Variants in PTDSS2 observed in about 807,000 individuals in gnomAD.
The protein encoded by PTDSS2 is phosphatidylserine synthase 2, also known as PSS-2.
In PTDSS2, 41 loss-of-function variants were observed where a neutral mutation model predicts 64.7. The ratio of observed to expected loss-of-function variants is 0.63; its 90% CI spans 0.49 to 0.82. PTDSS2 has a LOEUF of 0.82. Among genes scored for constraint, PTDSS2 ranks in the 40% least tolerant of loss-of-function variants. The probability of loss-of-function intolerance (pLI) is 0.00; values close to 1 mark genes in which losing one functional copy is unlikely to be tolerated. For synonymous variants in PTDSS2, 297 were observed against 277.8 expected (o/e 1.07, Z -0.69); for missense variants, 485 against 650.0 (o/e 0.75, Z 2.76).
At chr11:475,249 A>G (rs1173499926) in intron 3 of PTDSS2, among the ~76,000 whole-genome samples, 6 of 98,570 alleles carry the variant, frequency 6.1e-5, no homozygotes, top group East Asian at 2.5e-4. Context: ...GTTTGTGTGT[A>G]CGGACATATT....
Position 486,938 on chromosome 11 carries a change from G to C in PTDSS2, c.436-1G>C. 1 of 1,608,580 alleles carries C rather than the reference G, an allele frequency of 6.2e-7. No individual in the cohort carries two copies. Among genetic ancestry groups the C allele is most frequent in the Non-Finnish European group, 8.5e-7 (1 of 1,177,156 alleles). On this transcript the variant is annotated splice_acceptor_variant, in intron 4 of 11. Coordinates refer to ENST00000308020, the MANE Select transcript of PTDSS2 (RefSeq NM_030783.3). LOFTEE classifies it high-confidence loss of function. Reference sequence around the variant, plus strand: ...CGCTGACGGGGGCACTGGCCTTGCAGACTGTCCAGGACGGCCGGCAGTTTC... The same window carrying C: ...CGCTGACGGGGGCACTGGCCTTGCACACTGTCCAGGACGGCCGGCAGTTTC...
rs962843424 is a variant in PTDSS2, at chr11:476,942, C to T, written c.368-2143C>T. ...CGCGTCTTGTTAACTTGGGGGCCGG[C>T]AGGGAGCCCTCAACTCTCTGCAGTC... On this transcript the variant is annotated intron_variant, in intron 3 of 11. Coordinates refer to ENST00000308020, the MANE Select transcript of PTDSS2 (RefSeq NM_030783.3). This position sits in a 1 kb window ranked among gnomAD's most constrained non-coding sequence, Gnocchi z 4.9. 2.6e-5 allele frequency among the ~76,000 whole-genome samples: 4 copies of T among 152,134 alleles called. No individual in the cohort carries two copies. The highest frequency in any genetic ancestry group is 4.4e-5 in the Non-Finnish European group (3 of 68,024).
Position 490,474 on chromosome 11 carries a change from T to G in PTDSS2, c.1356T>G (p.Asp452Glu). The change falls in exon 12 of 12, where the codon GAT (aspartate) becomes GAG (glutamate). Residue 452 changes from aspartate to glutamate, a missense_variant. Physicochemically the swap from Asp to Glu is conservative, Grantham distance 45. Around this residue, in one of 3 missense-constraint regions of PTDSS2, gnomAD observed 219 missense variants for 257.3 expected, o/e 0.85. Coordinates refer to ENST00000308020, the MANE Select transcript of PTDSS2 (RefSeq NM_030783.3). ...GGTGGCAGAAGTGGCAGAACAAGGATGACCAGGGCAGCACCGTCGGCAACG... is the reference window on the plus strand; with the variant it reads ...GGTGGCAGAAGTGGCAGAACAAGGAGGACCAGGGCAGCACCGTCGGCAACG... ...ETRWQKWQNK[D>E]DQGSTVGNGD... 6.2e-7 allele frequency: 1 copy of G among 1,613,106 alleles called. No individual in the cohort carries two copies.
At chr11:490,134 C>CT in intron 11 of PTDSS2, 66 bp downstream of exon 11, 1 of 1,494,438 alleles carries the variant, frequency 6.7e-7, no homozygotes, top group South Asian at 1.2e-5. Context: ...GGCACAGGCA[C>CT]TGTGGGAGTT....
chr11:473,160 G>GC (rs879912266), intron 2 of PTDSS2, among the ~76,000 whole-genome samples: 12 of 152,370 alleles, frequency 7.9e-5, no homozygotes, highest in Non-Finnish European at 1.5e-4. Flanking sequence ...GCTGAGGCCG[G>GC]CCCCAAGGAG....
chr11:453,652 T>G (rs1564957591), intron 1 of PTDSS2, among the ~76,000 whole-genome samples: 1 of 152,220 alleles, frequency 6.6e-6, no homozygotes, highest in East Asian at 1.9e-4. Context: ...GATGAAGTCT[T>G]TCTGGTCTTG....
intron 3 of PTDSS2, among the ~76,000 whole-genome samples, chr11:475,393 GTTTGTGATACAGACATATTCACGCA>G (rs1847744356): frequency 6.9e-6 from 1 of 145,462 alleles, no homozygotes; most frequent in Non-Finnish European, 1.5e-5. Flanking sequence ...ATATTCACGC[GTTTGTGATACAGACATATTCACGCA>G]TTTGTGTGTA....
In PTDSS2 at chr11:479,246, G is replaced by C. The variant is rs2301170; in HGVS notation, c.435+94G>C. 1 of 1,039,330 alleles carries C rather than the reference G, an allele frequency of 9.6e-7. No individual in the cohort carries two copies. The highest frequency in any genetic ancestry group is 1.6e-5 in the African/African-American group (1 of 63,646). The allele number at this position is 1,039,330 out of a possible 1,614,324, so 64.4% of individuals were successfully genotyped here. On this transcript the variant is annotated intron_variant, in intron 4 of 11. Coordinates refer to ENST00000308020, the MANE Select transcript of PTDSS2 (RefSeq NM_030783.3). The surrounding 1 kb of genome is among the most constrained non-coding windows in gnomAD (Gnocchi z 4.2). ...AGGAGGCCTTGCCCACACAGCCCTC[G>C]AGTGATGGGAGGAAGCAGGGCTAGA...
In PTDSS2 at chr11:450,358, C is replaced by T. The variant is rs2133741558; in HGVS notation, c.-98C>T. On this transcript the variant is annotated 5_prime_UTR_variant, in exon 1 of 12. Coordinates refer to ENST00000308020, the MANE Select transcript of PTDSS2 (RefSeq NM_030783.3). The stretch of plus-strand genomic sequence containing the variant: ...CGCGGGCCAGCGCCGCGACCCCTTC[C>T]CAGCGCTCCTCGCGCTGTGTGCGGC... The T allele has an allele frequency of 9.0e-7, 1 of 1,106,774 alleles. No homozygotes were observed. The highest frequency in any genetic ancestry group is 1.1e-6 in the Non-Finnish European group (1 of 879,128). The allele number at this position is 1,106,774 out of a possible 1,614,324, so 68.6% of individuals were successfully genotyped here. A position where few individuals can be genotyped will look rare whatever the true frequency, so the allele number is the denominator to read the frequency against.
chr11:475,172 A>G (rs1186056752), intron 3 of PTDSS2, among the ~76,000 whole-genome samples: 699 of 117,278 alleles, frequency 6.0e-3, no homozygotes, highest in Middle Eastern at 0.015. Context: ...CGTTTGTGAT[A>G]CGGACATATT....
chr11:485,822 CGT>C (rs535174303), intron 4 of PTDSS2, among the ~76,000 whole-genome samples: 14 of 57,706 alleles, frequency 2.4e-4, no homozygotes, highest in South Asian at 7.6e-4. Context: ...CACGGGCGCG[CGT>C]GTGCTCACCG....
intron 7 of PTDSS2, 29 bp from the exon 8 acceptor site, chr11:488,500 C>T: frequency 1.3e-6 from 2 of 1,586,926 alleles, no homozygotes; most frequent in East Asian, 4.5e-5. Context: ...CCCCTCACCC[C>T]TGCAACGAGT....
intron 2 of PTDSS2, chr11:463,465 A>G (rs1273268619): frequency 7.2e-6 from 1 of 138,088 alleles, no homozygotes; most frequent in Admixed American, 7.7e-5. Flanking sequence ...TTTTTTGGTC[A>G]ATGTTGACCA....
At chr11:485,331 G>A (rs1848296974) in intron 4 of PTDSS2, among the ~76,000 whole-genome samples, 1 of 127,112 alleles carries the variant, frequency 7.9e-6, no homozygotes, top group African/African-American at 2.9e-5. Context: ...GTAAGTGCAC[G>A]AGCGCGTGTG....
chr11:487,070 C>G lies in PTDSS2; in HGVS notation c.567C>G (p.Ile189Met). The G allele has an allele frequency of 6.2e-7, 1 of 1,612,136 alleles. No individual in the cohort carries two copies. Among genetic ancestry groups the G allele is most frequent in the Non-Finnish European group, 8.5e-7 (1 of 1,179,314 alleles). The part of the protein sequence containing the change: ...PDNETDPFHN[I>M]WDKLDGFVPA... ...ATGAGACTGACCCCTTTCACAACATCTGGGTAAGACGCCGGGGGCCCTGAG... is the reference window on the plus strand; with the variant it reads ...ATGAGACTGACCCCTTTCACAACATGTGGGTAAGACGCCGGGGGCCCTGAG... Residue 189 changes from isoleucine to methionine, a missense_variant, in exon 5 of 12, where the codon ATC becomes ATG. By Grantham distance (10) the Ile-to-Met change is conservative. This residue lies in a region of PTDSS2 where 251 missense variants were observed against 348.0 expected (regional missense o/e 0.72). Transcript: ENST00000308020.
Position 460,339 on chromosome 11 carries a change from G to A in PTDSS2, c.284+51G>A. 6.7e-7 allele frequency: 1 copy of A among 1,498,572 alleles called. No homozygotes were observed. The highest frequency in any genetic ancestry group is 1.1e-5 in the South Asian group (1 of 88,026). 92.8% of individuals were successfully genotyped at this position (1,498,572 alleles called of 1,614,324 possible). ...CTGAAACTGCCCTGTGCCCCGTGTG[G>A]TGGGTGTGGCACCCTTACTGCTCGG... On this transcript the variant is annotated intron_variant, in intron 2 of 11. Transcript: ENST00000308020. This position sits in a 1 kb window ranked among gnomAD's most constrained non-coding sequence, Gnocchi z 5.8.
chr11:490,133 A>T, intron 11 of PTDSS2, 65 bp downstream of exon 11: 2 of 1,495,492 alleles, frequency 1.3e-6, no homozygotes, highest in South Asian at 2.5e-5. Flanking sequence ...TGGCACAGGC[A>T]CTGTGGGAGT....
chr11:455,669 C>T lies in PTDSS2; in HGVS notation c.183-4518C>T, dbSNP rs929864145. Reference sequence around the variant, plus strand: ...TGAGCCCGAGAGTGCTTGCTCCTCGCGCTCCCTTCTTGCTATGGTCTCCGG... The same window carrying T: ...TGAGCCCGAGAGTGCTTGCTCCTCGTGCTCCCTTCTTGCTATGGTCTCCGG... On this transcript the variant is annotated intron_variant, in intron 1 of 11. Coordinates refer to ENST00000308020, the MANE Select transcript of PTDSS2 (RefSeq NM_030783.3). 1.1e-4 allele frequency among the ~76,000 whole-genome samples: 17 copies of T among 152,340 alleles called. No individual in the cohort carries two copies. In the East Asian group the frequency reaches 1.5e-3, roughly 14 times the overall value.
At chr11:451,902 G>C (rs1846347266) in intron 1 of PTDSS2, among the ~76,000 whole-genome samples, 1 of 152,182 alleles carries the variant, frequency 6.6e-6, no homozygotes, top group Non-Finnish European at 1.5e-5. Flanking sequence ...AGTGTACCGG[G>C]TGGCTGCGGG....
Sources: gnomAD v4.1 joint callset for allele counts (sites outside exome capture counted in the v4.1 genomes callset) on GRCh38, gnomAD v4.1.1 for gene constraint, gnomAD v4.1.1 regional missense constraint, Gnocchi (gnomAD v3.1) non-coding constraint, MANE v1.5 for transcripts, NCBI Gene and HGNC (gene_info 2026-07-23, HGNC 2026-07-21) for gene names.